The following IGF1R variants were observed in gnomAD, a reference collection of about 807,000 sequenced individuals.
IGF1R encodes insulin like growth factor 1 receptor.
Under a neutral mutation model 144.6 loss-of-function variants are expected in IGF1R, and 44 were observed. The observed-to-expected ratio is 0.30, with a 90% confidence interval of 0.24 to 0.39. The LOEUF is 0.39. Among genes scored for constraint, IGF1R ranks in the 10% least tolerant of loss-of-function variants. The probability of loss-of-function intolerance (pLI) is 1.00; values close to 1 mark genes in which losing one functional copy is unlikely to be tolerated. For synonymous variants in IGF1R, 795 were observed against 722.8 expected (o/e 1.10, Z -1.60); for missense variants, 1,355 against 1,833.7 (o/e 0.74, Z 4.77).
At chr15:98,879,953 A>G (rs1354399191) in intron 2 of IGF1R, among the ~76,000 whole-genome samples, 2 of 152,220 alleles carry the variant, frequency 1.3e-5, no homozygotes, top group African/African-American at 4.8e-5. Context: ...GAAAAGTGTA[A>G]TAGTGATTGC....
At chr15:98,944,252 A>C (rs570308282) in intron 19 of IGF1R, among the ~76,000 whole-genome samples, 1 of 152,308 alleles carries the variant, frequency 6.6e-6, no homozygotes, top group South Asian at 2.1e-4. Flanking sequence ...AGTGTTGTTC[A>C]TATCTCTCGG....
intron 2 of IGF1R, among the ~76,000 whole-genome samples, chr15:98,781,729 G>T (rs1057278142): frequency 6.6e-6 from 1 of 152,118 alleles, no homozygotes; most frequent in African/African-American, 2.4e-5. Context: ...ATTTGCATAT[G>T]CATGTCACAT....
At chr15:98,783,541 G>A (rs1387848890) in intron 2 of IGF1R, among the ~76,000 whole-genome samples, 6 of 152,164 alleles carry the variant, frequency 3.9e-5, no homozygotes, top group Admixed American at 3.9e-4. Context: ...TACATTCCAT[G>A]AGCATGGCAT....
Position 98,958,065 on chromosome 15 carries a change from C to G in IGF1R, c.*623C>G, listed in dbSNP as rs565525294. 4.3e-6 allele frequency: 1 copy of G among 234,122 alleles called. No individual in the cohort carries two copies. The highest frequency in any genetic ancestry group is 8.4e-6 in the Non-Finnish European group (1 of 118,490). The allele number at this position is 234,122 out of a possible 1,614,324, so 14.5% of individuals were successfully genotyped here. On this transcript the variant is annotated 3_prime_UTR_variant, in exon 21 of 21. Coordinates refer to ENST00000650285, the MANE Select transcript of IGF1R (RefSeq NM_000875.5). ...TGAACTTTCTCCCTCATCGGCCCGG[C>G]GCTGATTCCTCGTGTCCGGAGGCAT... is the stretch of plus-strand genomic sequence containing the variant.
intron 2 of IGF1R, among the ~76,000 whole-genome samples, chr15:98,767,813 C>A (rs997311178): frequency 6.6e-6 from 1 of 152,128 alleles, no homozygotes; most frequent in African/African-American, 2.4e-5. Flanking sequence ...CTGCTGGTGC[C>A]GGTAGGACAG....
intron 2 of IGF1R, among the ~76,000 whole-genome samples, chr15:98,772,388 A>G (rs2055606854): frequency 6.6e-6 from 1 of 151,496 alleles, no homozygotes; most frequent in Admixed American, 6.6e-5. Context: ...TGTTCTATGG[A>G]ATTAATATTG....
chr15:98,928,170 C>T (rs924610659), intron 13 of IGF1R, among the ~76,000 whole-genome samples: 16 of 152,210 alleles, frequency 1.1e-4, no homozygotes, highest in Non-Finnish European at 1.3e-4. Context: ...ACAGCTCAGA[C>T]TCCAGGTCAC....
At chr15:98,897,021 GGTGT>G (rs1421308925) in intron 4 of IGF1R, 116 bp downstream of exon 4, 2 of 948,972 alleles carry the variant, frequency 2.1e-6, no homozygotes, top group Non-Finnish European at 3.3e-6. Flanking sequence ...TAAACAACAT[GGTGT>G]GTAAGCCTCA....
rs918884069 is a variant in IGF1R, at chr15:98,730,993, A to G, written c.640+22886A>G. ...CTCTTTCTGTTAATTCATCCTTGTC[A>G]ATAACCCCATTAGCTAACTTCCAGC... is the stretch of plus-strand genomic sequence containing the variant. On this transcript the variant is annotated intron_variant, in intron 2 of 20. Transcript: ENST00000650285. Among the ~76,000 whole-genome samples the G allele has an allele frequency of 7.2e-5, 11 of 152,378 alleles. No individual in the cohort carries two copies. The East Asian group carries it at 2.1e-3, about 29-fold the overall frequency.
chr15:98,769,346 A>T (rs1313533928), intron 2 of IGF1R, among the ~76,000 whole-genome samples: 15 of 152,154 alleles, frequency 9.9e-5, no homozygotes. Context: ...TAAGGGGTAT[A>T]AGGTGTTAAA....
intron 2 of IGF1R, among the ~76,000 whole-genome samples, chr15:98,731,093 A>G (rs143081533): frequency 6.6e-6 from 1 of 152,370 alleles, no homozygotes; most frequent in East Asian, 1.9e-4. Context: ...AGGCCCTATG[A>G]GATCCAAACT....
intron 10 of IGF1R, 107 bp downstream of exon 10, chr15:98,916,983 A>G (rs1451914139): frequency 2.1e-6 from 2 of 930,326 alleles, no homozygotes; most frequent in Non-Finnish European, 3.5e-6. Context: ...GGGGGGTACA[A>G]TACAGTAGCC....
In IGF1R at chr15:98,649,279, G is replaced by A. The variant is rs1315639949; in HGVS notation, c.-303G>A. On this transcript the variant is annotated 5_prime_UTR_variant, in exon 1 of 21. Transcript: ENST00000650285. ...CCCCCCTTCCTGCCTCTCCGGGTTT[G>A]AAAATGGAGGCCGACGACGCCGACA... 2 of 212,854 alleles carry A rather than the reference G, an allele frequency of 9.4e-6. No individual in the cohort carries two copies. Among genetic ancestry groups the A allele is most frequent in the African/African-American group, 4.6e-5 (2 of 43,934 alleles). 13.2% of individuals were successfully genotyped at this position (212,854 alleles called of 1,614,324 possible).
chr15:98,878,704 A>G (rs568477919), intron 2 of IGF1R, among the ~76,000 whole-genome samples: 153 of 150,112 alleles, frequency 1.0e-3, no homozygotes, highest in African/African-American at 3.7e-3. Flanking sequence ...AACAACAACA[A>G]AAAAAAGGCC....
At chr15:98,671,192 T>C (rs572082504) in intron 1 of IGF1R, among the ~76,000 whole-genome samples, 1 of 152,336 alleles carries the variant, frequency 6.6e-6, no homozygotes, top group African/African-American at 2.4e-5. Context: ...TTCATGCAGG[T>C]TCATTGCATG....
chr15:98,762,204 G>T (rs2055317971), intron 2 of IGF1R, among the ~76,000 whole-genome samples: 1 of 139,576 alleles, frequency 7.2e-6, no homozygotes, highest in African/African-American at 2.6e-5. Flanking sequence ...AATAAAAGTT[G>T]TTATATCATT....
At chr15:98,945,792 T>C (rs558354608) in intron 19 of IGF1R, among the ~76,000 whole-genome samples, 51 of 152,264 alleles carry the variant, frequency 3.3e-4, no homozygotes, top group African/African-American at 1.2e-3. Context: ...GTCCACACCT[T>C]GCAGTTGTCA....
intron 2 of IGF1R, among the ~76,000 whole-genome samples, chr15:98,775,466 A>G (rs1267692123): frequency 6.6e-6 from 1 of 152,184 alleles, no homozygotes; most frequent in African/African-American, 2.4e-5. Flanking sequence ...AAACAAGTTC[A>G]GGGACCGTTG....
chr15:98,839,622 G>A (rs1348846366), intron 2 of IGF1R, among the ~76,000 whole-genome samples: 1 of 152,212 alleles, frequency 6.6e-6, no homozygotes, highest in Non-Finnish European at 1.5e-5. Context: ...AGATGCAGTG[G>A]CAAGAACAGT....
Sources: allele counts gnomAD v4.1 joint callset (sites outside exome capture counted in the v4.1 genomes callset), GRCh38; gene constraint gnomAD v4.1.1; transcripts MANE v1.5; gene names NCBI Gene and HGNC (gene_info 2026-07-23, HGNC 2026-07-21).